The following PHF24 variants were observed in gnomAD, a reference collection of about 807,000 sequenced individuals.
The protein encoded by PHF24 is Galpha inhibitory interacting protein.
PHF24 carries 25 observed loss-of-function variants against 42.6 expected under a neutral mutation model. That is an observed-to-expected ratio of 0.59 (90% CI 0.43 to 0.82). PHF24 has a LOEUF of 0.82. Ranked by LOEUF, PHF24 falls within the 40% of genes least tolerant of loss-of-function variation. The pLI is 0.00. For missense variants in PHF24, 470 were observed against 538.1 expected (o/e 0.87, Z 1.25); for synonymous variants, 185 against 204.8 (o/e 0.90, Z 0.83).
chr9:34,772,889 T>G, the PHF24 span, among the ~76,000 whole-genome samples: 2 of 152,148 alleles, frequency 1.3e-5, no homozygotes, highest in East Asian at 3.8e-4. Flanking sequence ...TGTGTATATA[T>G]ACCGGTTAGT....
the PHF24 span, among the ~76,000 whole-genome samples, chr9:34,874,783 C>G: frequency 3.4e-3 from 512 of 152,216 alleles, 1 homozygote; most frequent in South Asian, 0.018. Flanking sequence ...TTCAATCACA[C>G]AGACTCTTCT....
chr9:34,715,251 G>C, the PHF24 span, among the ~76,000 whole-genome samples: 1 of 152,118 alleles, frequency 6.6e-6, no homozygotes, highest in Non-Finnish European at 1.5e-5. Context: ...GGACCTGGTG[G>C]CAGGGGTGGT....
the PHF24 span, among the ~76,000 whole-genome samples, chr9:34,792,677 GAA>G: frequency 1.1e-4 from 16 of 147,116 alleles, no homozygotes; most frequent in Admixed American, 2.0e-4. Context: ...TCCATCTCAG[GAA>G]AAAAAAAAAA....
chr9:34,934,732 G>A, the PHF24 span, among the ~76,000 whole-genome samples: 2 of 152,142 alleles, frequency 1.3e-5, no homozygotes, highest in East Asian at 3.9e-4. Context: ...TGGAGCTCCA[G>A]TAATGCTCAG....
At chr9:34,978,376 C>CA in exon 8 of PHF24, 1 of 500,532 alleles carries the variant, frequency 2.0e-6, no homozygotes, top group Middle Eastern at 4.7e-4. Flanking sequence ...CGGGACCTGC[C>CA]ACCACACTTA....
chr9:34,918,242 C>T, the PHF24 span: 1 of 1,487,500 alleles, frequency 6.7e-7, no homozygotes, highest in Non-Finnish European at 9.4e-7. Context: ...AAGCCCTCAT[C>T]CGCACGTGTC....
At chr9:34,975,826 C>A (rs188171830) in intron 3 of PHF24, among the ~76,000 whole-genome samples, 2 of 152,060 alleles carry the variant, frequency 1.3e-5, no homozygotes, top group African/African-American at 4.8e-5. Flanking sequence ...CTCACTAGCC[C>A]CCTTATTCCC....
At chr9:34,717,266 GT>G in the PHF24 span, among the ~76,000 whole-genome samples, 2 of 146,960 alleles carry the variant, frequency 1.4e-5, no homozygotes, top group African/African-American at 5.4e-5. Flanking sequence ...GGTCAATAAG[GT>G]TGGGATTGTG....
exon 7 of PHF24, chr9:34,977,596 G>A: frequency 6.2e-7 from 1 of 1,608,892 alleles, no homozygotes; most frequent in Non-Finnish European, 8.5e-7. Context: ...AGCAGCAGCA[G>A]CAAGAGTCAG....
In PHF24 at chr9:34,977,364, T is replaced by G; in HGVS notation, c.1010+121T>G. 5 of 1,311,688 alleles carry G rather than the reference T, an allele frequency of 3.8e-6. No homozygotes were observed. In the South Asian group the frequency reaches 7.0e-5, roughly 18 times the overall value. The allele number at this position is 1,311,688 out of a possible 1,614,324, so 81.3% of individuals were successfully genotyped here. A position where few individuals can be genotyped will look rare whatever the true frequency, so the allele number is the denominator to read the frequency against. ...AGCCGAGAGAGGAGCCTCCTGTGCATTAGGTAGAGGATGGTGATGCCTACG... is the reference window on the plus strand; with the variant it reads ...AGCCGAGAGAGGAGCCTCCTGTGCAGTAGGTAGAGGATGGTGATGCCTACG... On this transcript the variant is annotated intron_variant, in intron 6 of 7. Coordinates refer to ENST00000242315, the Ensembl canonical transcript of PHF24.
chr9:34,733,154 C>T, the PHF24 span, among the ~76,000 whole-genome samples: 2 of 152,150 alleles, frequency 1.3e-5, no homozygotes, highest in African/African-American at 2.4e-5. Flanking sequence ...TGTAAGGGTG[C>T]CTCTCTTCCT....
exon 7 of PHF24, chr9:34,977,573 TAGC>T: frequency 1.2e-6 from 2 of 1,609,842 alleles, no homozygotes; most frequent in African/African-American, 1.3e-5. Flanking sequence ...CCATCGCAGA[TAGC>T]AGCCCAGCCA....
chr9:34,738,898 G>C, the PHF24 span, among the ~76,000 whole-genome samples: 1 of 152,164 alleles, frequency 6.6e-6, no homozygotes, highest in Non-Finnish European at 1.5e-5. Flanking sequence ...TAAAACATCA[G>C]TATCTGAGGA....
chr9:34,720,142 C>T, the PHF24 span, among the ~76,000 whole-genome samples: 27 of 152,242 alleles, frequency 1.8e-4, no homozygotes, highest in South Asian at 5.6e-3. Context: ...ATCCCACTGT[C>T]CCTCAAAACA....
chr9:34,917,454 C>T, the PHF24 span: 1 of 769,004 alleles, frequency 1.3e-6, no homozygotes, highest in South Asian at 1.4e-5. Context: ...CGTAAGGATC[C>T]TAACAAGCTG....
the PHF24 span, among the ~76,000 whole-genome samples, chr9:34,858,925 C>T: frequency 2.0e-5 from 3 of 152,136 alleles, no homozygotes; most frequent in African/African-American, 4.8e-5. Flanking sequence ...ACCTCTCTCA[C>T]ACTCTGCAGA....
upstream of PHF24, among the ~76,000 whole-genome samples, chr9:34,956,016 T>A (rs1048308982): frequency 6.6e-6 from 1 of 152,256 alleles, no homozygotes; most frequent in East Asian, 1.9e-4. Context: ...ATGGTCATTA[T>A]GCATTCCTTA....
At chr9:34,937,948 C>T in the PHF24 span, among the ~76,000 whole-genome samples, 1 of 152,120 alleles carries the variant, frequency 6.6e-6, no homozygotes, top group African/African-American at 2.4e-5. Context: ...AGCCCTGTGT[C>T]CACGTGAGAA....
chr9:34,723,265 C>G, the PHF24 span: 1 of 1,551,602 alleles, frequency 6.4e-7, no homozygotes, highest in Non-Finnish European at 8.7e-7. Context: ...TGGCACAAGC[C>G]TCTCGAGGAC....
Sources: allele counts gnomAD v4.1 joint callset (sites outside exome capture counted in the v4.1 genomes callset), GRCh38; gene constraint gnomAD v4.1.1; transcripts MANE v1.5; gene names NCBI Gene and HGNC (gene_info 2026-07-23, HGNC 2026-07-21).